The following ZNF644 variants were observed in gnomAD, a reference collection of about 807,000 sequenced individuals.
ZNF644 encodes the protein zinc finger protein 644.
In ZNF644, 20 loss-of-function variants were observed where a neutral mutation model predicts 108.0. That is an observed-to-expected ratio of 0.19 (90% CI 0.13 to 0.27). The LOEUF is 0.27. ZNF644 is among the 10% of genes least tolerant of loss of function. The pLI is 1.00. For missense variants in ZNF644, 1,338 were observed against 1,548.9 expected, an observed-to-expected ratio of 0.86 and a Z score of 2.29; for synonymous variants, 542 against 539.1, an observed-to-expected ratio of 1.01 and a Z score of -0.08.
At position 91,013,263 on chromosome 1, in the gene ZNF644, G is replaced by A. The variant is rs147147973; in HGVS notation, c.-18+8727C>T. Among the ~76,000 whole-genome samples, 9 of 151,850 alleles carry A rather than the reference G, an allele frequency of 5.9e-5. No homozygotes were observed. The East Asian group carries it at 7.8e-4, about 13-fold the overall frequency. On this transcript the variant is annotated intron_variant, in intron 1 of 5. Coordinates refer to ENST00000337393, the MANE Select transcript of ZNF644 (RefSeq NM_201269.3). ...TAATTTTTGTATTTTCAGTAGAGAC[G>A]GGATATTTCATCATATTGGCCAAGC...
intron 1 of ZNF644, among the ~76,000 whole-genome samples, chr1:90,999,407 A>G (rs1417928647): frequency 6.6e-6 from 1 of 152,214 alleles, no homozygotes; most frequent in Non-Finnish European, 1.5e-5. Context: ...TAACAAAAAG[A>G]ATTTTCAACC....
intron 2 of ZNF644, among the ~76,000 whole-genome samples, chr1:90,955,113 A>C (rs995798717): frequency 6.6e-6 from 1 of 152,208 alleles, no homozygotes; most frequent in African/African-American, 2.4e-5. Flanking sequence ...GACCAGGTGC[A>C]TTGTCAATGA....
At chr1:90,917,091 T>C in intron 5 of ZNF644, 101 bp from the exon 6 acceptor site, 1 of 1,221,698 alleles carries the variant, frequency 8.2e-7, no homozygotes, top group Non-Finnish European at 1.2e-6. Flanking sequence ...TATCATATTT[T>C]AAAGACAGCA....
chr1:90,926,525 G>C lies in ZNF644; in HGVS notation c.3689-8371C>G, dbSNP rs140102458. Reference sequence around the variant, plus strand: ...TAAAGCTCTCTTTTCCAAATTTGTAGATCTCCTGCTTTTAAGGTGATACTT... The same window carrying C: ...TAAAGCTCTCTTTTCCAAATTTGTACATCTCCTGCTTTTAAGGTGATACTT... On this transcript the variant is annotated intron_variant, in intron 4 of 5. Coordinates refer to ENST00000337393, the MANE Select transcript of ZNF644 (RefSeq NM_201269.3). 1.5e-3 allele frequency among the ~76,000 whole-genome samples: 227 copies of C among 152,242 alleles called. 2 individuals carry two copies. Among genetic ancestry groups the C allele is most frequent in the African/African-American group, 5.4e-3 (223 of 41,548 alleles).
intron 4 of ZNF644, among the ~76,000 whole-genome samples, chr1:90,919,087 G>GA (rs1346504198): frequency 2.0e-5 from 3 of 151,820 alleles, no homozygotes; most frequent in Non-Finnish European, 4.4e-5. Flanking sequence ...ATTTTAAAAA[G>GA]AAAAAAAGGT....
rs1266244151 is a variant in ZNF644, at chr1:91,021,640, C to CA, written c.-18+349_-18+350insT. On this transcript the variant is annotated intron_variant, in intron 1 of 5. Coordinates refer to ENST00000337393, the MANE Select transcript of ZNF644 (RefSeq NM_201269.3). ...TCCGACGCCGCAGCGGAAAGCCCCCCCCCCATCCCCCCGCCGAGTCCCGCC... is the reference window on the plus strand; with the variant it reads ...TCCGACGCCGCAGCGGAAAGCCCCCCACCCCATCCCCCCGCCGAGTCCCGCC... The CA allele has an allele frequency of 4.3e-5, 6 of 140,762 alleles. No individual in the cohort carries two copies. The South Asian group carries it at 1.5e-3, about 36-fold the overall frequency. 8.7% of individuals were successfully genotyped at this position (140,762 alleles called of 1,614,324 possible). A position where few individuals can be genotyped will look rare whatever the true frequency, so the allele number is the denominator to read the frequency against.
At chr1:90,987,978 G>T (rs116044038) in intron 1 of ZNF644, among the ~76,000 whole-genome samples, 1 of 152,072 alleles carries the variant, frequency 6.6e-6, no homozygotes, top group African/African-American at 2.4e-5. Context: ...GACTGAAAGC[G>T]TTTCCTCTAA....
At chr1:90,946,924 A>G (rs1652575377) in intron 2 of ZNF644, among the ~76,000 whole-genome samples, 2 of 152,132 alleles carry the variant, frequency 1.3e-5, no homozygotes, top group African/African-American at 4.8e-5. Context: ...ACACCTAATA[A>G]CTCAAGATCA....
At chr1:90,957,330 C>G (rs1414862992) in intron 2 of ZNF644, among the ~76,000 whole-genome samples, 1 of 152,090 alleles carries the variant, frequency 6.6e-6, no homozygotes, top group Non-Finnish European at 1.5e-5. Flanking sequence ...CAAAGATACT[C>G]AAAGAAAACT....
chr1:90,924,182 C>T (rs1417481690), intron 4 of ZNF644, among the ~76,000 whole-genome samples: 1 of 152,188 alleles, frequency 6.6e-6, no homozygotes, highest in Non-Finnish European at 1.5e-5. Context: ...ATCACAACTA[C>T]AAGTGGCTTA....
chr1:90,957,492 G>T (rs1275945272), intron 2 of ZNF644, among the ~76,000 whole-genome samples: 2 of 152,076 alleles, frequency 1.3e-5, no homozygotes, highest in Non-Finnish European at 2.9e-5. Context: ...TGCAATCAAT[G>T]TAACATATCA....
At chr1:90,968,777 C>A (rs1181016811) in intron 2 of ZNF644, among the ~76,000 whole-genome samples, 1 of 152,104 alleles carries the variant, frequency 6.6e-6, no homozygotes, top group Non-Finnish European at 1.5e-5. Flanking sequence ...TTTAAGGATA[C>A]CTTTCAATAT....
At chr1:90,968,867 T>G (rs1450352622) in intron 2 of ZNF644, among the ~76,000 whole-genome samples, 1 of 152,122 alleles carries the variant, frequency 6.6e-6, no homozygotes, top group Non-Finnish European at 1.5e-5. Context: ...CTAGATGCAT[T>G]TATCCTATTT....
At chr1:90,930,286 C>A (rs538618027) in intron 4 of ZNF644, among the ~76,000 whole-genome samples, 6 of 151,754 alleles carry the variant, frequency 4.0e-5, no homozygotes, top group Non-Finnish European at 8.8e-5. Flanking sequence ...AACTCCGTCT[C>A]ACACACACAC....
In ZNF644 at chr1:90,979,424, G is replaced by T. The variant is rs186921812; in HGVS notation, c.44+2886C>A. Among the ~76,000 whole-genome samples, 405 of 152,268 alleles carry T rather than the reference G, an allele frequency of 2.7e-3. 2 individuals are homozygous for T. The highest frequency in any genetic ancestry group is 9.3e-3 in the African/African-American group (387 of 41,538). On this transcript the variant is annotated intron_variant, in intron 2 of 5. Transcript: ENST00000337393. ...GGAGGCAGAGGTTGCAGTGAGCTGA[G>T]ACTGTGCCATTGCATTCCCACCTGG...
At chr1:90,983,245 C>G (rs918876545) in intron 1 of ZNF644, among the ~76,000 whole-genome samples, 1 of 151,960 alleles carries the variant, frequency 6.6e-6, no homozygotes, top group Non-Finnish European at 1.5e-5. Context: ...AACCACAGAC[C>G]TAGAATTTTC....
intron 1 of ZNF644, among the ~76,000 whole-genome samples, chr1:91,006,797 C>A (rs982665318): frequency 6.6e-6 from 1 of 152,000 alleles, no homozygotes; most frequent in Non-Finnish European, 1.5e-5. Flanking sequence ...TTCTGGATCC[C>A]CCCTCTTTTT....
chr1:90,949,169 TCTA>T (rs1652828140), intron 2 of ZNF644, among the ~76,000 whole-genome samples: 1 of 151,628 alleles, frequency 6.6e-6, no homozygotes, highest in South Asian at 2.1e-4. Context: ...ACATTCAAAC[TCTA>T]CTATGTAAAT....
At chr1:90,950,276 C>G (rs182254954) in intron 2 of ZNF644, among the ~76,000 whole-genome samples, 18 of 9,490 alleles carry the variant, frequency 1.9e-3, no homozygotes, top group African/African-American at 7.9e-3. Flanking sequence ...GATTCCATCT[C>G]AAGGGAAGGG....
Sources: gnomAD v4.1 joint callset for allele counts (sites outside exome capture counted in the v4.1 genomes callset) on GRCh38, gnomAD v4.1.1 for gene constraint, MANE v1.5 for transcripts, NCBI Gene and HGNC (gene_info 2026-07-23, HGNC 2026-07-21) for gene names.